The following ZNF334 variants were observed in gnomAD, a reference collection of about 807,000 sequenced individuals.
The protein encoded by ZNF334 is zinc finger protein 334.
Under a neutral mutation model 12.4 loss-of-function variants are expected in ZNF334, and 14 were observed. That is an observed-to-expected ratio of 1.13 (90% CI 0.74 to 1.76). The LOEUF is 1.76. Among genes scored for constraint, ZNF334 ranks in the 40% most tolerant of loss-of-function variants. ZNF334 has a pLI of 0.00. For missense variants in ZNF334, 797 were observed against 804.5 expected (o/e 0.99, Z 0.11); for synonymous variants, 273 against 269.6 (o/e 1.01, Z -0.12).
Position 46,503,112 on chromosome 20 carries a change from A to G in ZNF334, c.242-15T>C, listed in dbSNP as rs1387196637. On this transcript the variant is annotated splice_polypyrimidine_tract_variant and intron_variant, in intron 4 of 4. Coordinates refer to ENST00000692313, the MANE Select transcript of ZNF334 (RefSeq NM_001353824.2). ...ATCATCAATGTCTAGAAAAAGGAAC[A>G]CAATTAACGGTAATTGGTGAGCCTT... 6.3e-7 allele frequency: 1 copy of G among 1,574,956 alleles called. No individual in the cohort carries two copies.
At chr20:46,470,776 T>A in the ZNF334 span, among the ~76,000 whole-genome samples, 12 of 152,376 alleles carry the variant, frequency 7.9e-5, no homozygotes, top group Admixed American at 5.9e-4. Context: ...CATTTGTTCA[T>A]GCTATCATGT....
Position 46,502,729 on chromosome 20 carries a change from T to C in ZNF334, c.610A>G (p.Ile204Val), listed in dbSNP as rs1197410976. ...ENLILHQNIQ[I>V]LKQPFDYNKC... ...TTATAGTCAAACGGTTGTTTCAAAA[T>C]CTGAATGTTCTGGTGCAGAATAAGA... The change falls in exon 5 of 5, where the codon ATT (isoleucine) becomes GTT (valine). Residue 204 changes from isoleucine to valine, a missense_variant. By Grantham distance (29) the Ile-to-Val change is conservative (BLOSUM62 3). Transcript: ENST00000692313. The C allele has an allele frequency of 6.2e-7, 1 of 1,613,630 alleles. No individual in the cohort carries two copies. The highest frequency in any genetic ancestry group is 8.5e-7 in the Non-Finnish European group (1 of 1,180,018).
chr20:46,504,011 C>T (rs1013516192), intron 4 of ZNF334, among the ~76,000 whole-genome samples: 1 of 152,148 alleles, frequency 6.6e-6, no homozygotes, highest in African/African-American at 2.4e-5. Flanking sequence ...TAATGGCAAA[C>T]ATCTTTATAA....
At chr20:46,488,126 A>G in the ZNF334 span, among the ~76,000 whole-genome samples, 8 of 152,116 alleles carry the variant, frequency 5.3e-5, no homozygotes, top group Non-Finnish European at 8.8e-5. Flanking sequence ...ATTTACTGTG[A>G]TTATTGATAT....
chr20:46,464,682 G>A, the ZNF334 span: 1 of 426,796 alleles, frequency 2.3e-6, no homozygotes, highest in South Asian at 1.8e-5. Flanking sequence ...CAGCCTAGGG[G>A]CAAAGCAGCT....
chr20:46,468,275 C>A, the ZNF334 span, among the ~76,000 whole-genome samples: 53 of 144,732 alleles, frequency 3.7e-4, no homozygotes, highest in East Asian at 9.0e-3. Flanking sequence ...GTGTTTACAC[C>A]CACATTTTTT....
chr20:46,464,648 T>TA, the ZNF334 span: 1 of 432,820 alleles, frequency 2.3e-6, no homozygotes, highest in African/African-American at 2.0e-5. Context: ...CACACAGTTC[T>TA]ACCCATTTCC....
Position 46,502,174 on chromosome 20 carries a change from G to A in ZNF334, c.1165C>T (p.Gln389Ter). 1 of 1,613,820 alleles carries A rather than the reference G, an allele frequency of 6.2e-7. No individual in the cohort carries two copies. Among genetic ancestry groups the A allele is most frequent in the African/African-American group, 1.3e-5 (1 of 74,950 alleles). ...CKECGKTFFC[Q>*]SALTAHQRIH... ...CTCTGATGCGCAGTAAGGGCTGACT[G>A]ACAGAAGAAGGTTTTCCCACATTCC... Residue 389 changes from glutamine to a stop codon, truncating the protein, a stop_gained, in exon 5 of 5, where the codon CAG becomes TAG. Transcript: ENST00000692313. LOFTEE classifies it low-confidence loss of function (END_TRUNC).
chr20:46,493,752 G>A, the ZNF334 span, among the ~76,000 whole-genome samples: 3 of 152,208 alleles, frequency 2.0e-5, no homozygotes, highest in South Asian at 2.1e-4. Context: ...AAGCAGGAGC[G>A]TGGTGCCTTT....
At chr20:46,468,363 C>T in the ZNF334 span, among the ~76,000 whole-genome samples, 270 of 151,956 alleles carry the variant, frequency 1.8e-3, no homozygotes, top group African/African-American at 6.3e-3. Flanking sequence ...GCAACCTCAA[C>T]CCCCAGGTTC....
At chr20:46,479,092 G>A in the ZNF334 span, among the ~76,000 whole-genome samples, 1 of 152,158 alleles carries the variant, frequency 6.6e-6, no homozygotes, top group Non-Finnish European at 1.5e-5. Context: ...TTTCTTAGAG[G>A]TCTGGAGGTT....
chr20:46,499,402 T>C (rs2061081421), downstream of ZNF334, among the ~76,000 whole-genome samples: 1 of 151,956 alleles, frequency 6.6e-6, no homozygotes, highest in African/African-American at 2.4e-5. Flanking sequence ...AGGAGATGAA[T>C]ACACCCTCTA....
chr20:46,502,504 T>C lies in ZNF334; in HGVS notation c.835A>G (p.Ser279Gly). Residue 279 changes from serine to glycine, a missense_variant, in exon 5 of 5, where the codon AGC (serine) becomes GGC (glycine). Physicochemically the swap from Ser to Gly is moderately conservative, Grantham distance 56 (BLOSUM62 0). Transcript: ENST00000692313. The part of the protein sequence containing the change: ...DCRKTFRVKT[S>G]LTRHRRIHTG... ...TGAATTCTTCGGTGTCGAGTGAGGC[T>C]TGTCTTCACACGAAAAGTTTTCCTA... The C allele has an allele frequency of 6.2e-7, 1 of 1,613,486 alleles. No individual in the cohort carries two copies. The highest frequency in any genetic ancestry group is 8.5e-7 in the Non-Finnish European group (1 of 1,179,642).
downstream of ZNF334, among the ~76,000 whole-genome samples, chr20:46,494,713 C>T (rs1424631068): frequency 1.3e-5 from 2 of 152,154 alleles, no homozygotes; most frequent in African/African-American, 2.4e-5. Flanking sequence ...TTCAAATACA[C>T]GAAGACTTTC....
At chr20:46,482,509 T>G in the ZNF334 span, among the ~76,000 whole-genome samples, 981 of 152,360 alleles carry the variant, frequency 6.4e-3, 4 homozygotes, top group Middle Eastern at 0.024. Flanking sequence ...CTGTAATTTT[T>G]AATTTTTCAA....
the ZNF334 span, chr20:46,485,797 A>G: frequency 6.6e-6 from 1 of 152,196 alleles, no homozygotes; most frequent in Non-Finnish European, 1.5e-5. Flanking sequence ...ACTGGAATCC[A>G]CTTATTAAAG....
At chr20:46,512,351 T>G (rs1351261644) in intron 1 of ZNF334, among the ~76,000 whole-genome samples, 189 bp downstream of exon 1, 1 of 152,198 alleles carries the variant, frequency 6.6e-6, no homozygotes, top group Non-Finnish European at 1.5e-5. Flanking sequence ...TGTCAACAAA[T>G]GTTTTCTACT....
chr20:46,487,626 C>A, the ZNF334 span, among the ~76,000 whole-genome samples: 3 of 152,188 alleles, frequency 2.0e-5, no homozygotes, highest in Non-Finnish European at 4.4e-5. Context: ...TAGAATTATG[C>A]TCTGTTAATT....
chr20:46,504,462 G>A (rs1449726381), intron 3 of ZNF334, 152 bp downstream of exon 3: 2 of 1,159,906 alleles, frequency 1.7e-6, no homozygotes, highest in Non-Finnish European at 2.4e-6. Context: ...GGGAAGGGCA[G>A]TGAATACATA....
Sources: gnomAD v4.1 joint callset for allele counts (sites outside exome capture counted in the v4.1 genomes callset) on GRCh38, gnomAD v4.1.1 for gene constraint, MANE v1.5 for transcripts, NCBI Gene and HGNC (gene_info 2026-07-23, HGNC 2026-07-21) for gene names.